The following KAT6B variants were observed in gnomAD, a reference collection of about 807,000 sequenced individuals.
The protein encoded by KAT6B is lysine acetyltransferase 6B, also known as histone acetyltransferase KAT6B.
Under a neutral mutation model 187.5 loss-of-function variants are expected in KAT6B, and 10 were observed. The observed-to-expected ratio is 0.05, with a 90% CI of 0.03 to 0.09. The LOEUF (loss-of-function observed/expected upper bound fraction) is 0.09, where lower values mean the gene tolerates loss of function less well. Among genes scored for constraint, KAT6B ranks in the 10% least tolerant of loss-of-function variants. KAT6B has a pLI of 1.00. For missense variants in KAT6B, 1,952 were observed against 2,558.9 expected (o/e 0.76, Z 5.12); for synonymous variants, 861 against 926.8 (o/e 0.93, Z 1.29).
chr10:74,919,255 G>T (rs1847936300), intron 3 of KAT6B, among the ~76,000 whole-genome samples: 1 of 151,724 alleles, frequency 6.6e-6, no homozygotes, highest in Non-Finnish European at 1.5e-5. Context: ...TTTTTCCTCT[G>T]GTTCTTATTT....
chr10:74,874,277 T>G (rs917750004), intron 3 of KAT6B, among the ~76,000 whole-genome samples: 3 of 152,202 alleles, frequency 2.0e-5, no homozygotes, highest in African/African-American at 2.4e-5. Flanking sequence ...CAAATTCACT[T>G]GGGTGGTTAC....
intron 13 of KAT6B, among the ~76,000 whole-genome samples, chr10:75,019,277 G>A (rs182344382): frequency 1.9e-4 from 29 of 152,296 alleles, no homozygotes; most frequent in South Asian, 2.1e-4. Flanking sequence ...TTAAATTTAC[G>A]CCTATTCTTC....
chr10:74,965,474 A>T (rs750402067), intron 4 of KAT6B, among the ~76,000 whole-genome samples: 1 of 152,162 alleles, frequency 6.6e-6, no homozygotes, highest in Admixed American at 6.5e-5. Context: ...TCCAGTGCTC[A>T]TTAAATATTA....
At chr10:75,017,734 C>A (rs554659305) in intron 13 of KAT6B, among the ~76,000 whole-genome samples, 1 of 152,206 alleles carries the variant, frequency 6.6e-6, no homozygotes, top group African/African-American at 2.4e-5. Flanking sequence ...GGAAGTGCTG[C>A]TGCTGGTTCA....
At chr10:74,949,227 G>A (rs1240036896) in intron 3 of KAT6B, among the ~76,000 whole-genome samples, 1 of 152,178 alleles carries the variant, frequency 6.6e-6, no homozygotes, top group Admixed American at 6.5e-5. Flanking sequence ...ATTTCCAGCT[G>A]TGTTGAATCA....
intron 3 of KAT6B, among the ~76,000 whole-genome samples, chr10:74,858,283 A>AT (rs755754008): frequency 0.014 from 1,932 of 135,114 alleles, 40 homozygotes; most frequent in African/African-American, 0.038. Flanking sequence ...TGGATGGGCA[A>AT]TTTTTTTTTT....
At chr10:74,988,968 G>T in intron 12 of KAT6B, 51 bp from the exon 13 acceptor site, 1 of 1,260,358 alleles carries the variant, frequency 7.9e-7, no homozygotes, top group Non-Finnish European at 1.2e-6. Context: ...GCAGGGAATT[G>T]CCCACTTCAG....
At chr10:74,912,048 T>A (rs1052623008) in intron 3 of KAT6B, among the ~76,000 whole-genome samples, 2 of 152,142 alleles carry the variant, frequency 1.3e-5, no homozygotes, top group East Asian at 3.8e-4. Context: ...TCAAGGGATC[T>A]TCCCACCTTG....
At chr10:74,998,923 G>A (rs1843639736) in intron 13 of KAT6B, among the ~76,000 whole-genome samples, 1 of 151,934 alleles carries the variant, frequency 6.6e-6, no homozygotes, top group African/African-American at 2.4e-5. Context: ...ACCAGACCCT[G>A]TTTCTTAAAA....
intron 10 of KAT6B, among the ~76,000 whole-genome samples, chr10:74,980,190 G>A (rs188390209): frequency 6.6e-6 from 1 of 152,096 alleles, no homozygotes; most frequent in East Asian, 1.9e-4. Context: ...AGAAAATAAT[G>A]GTATCCAAGT....
At chr10:74,910,199 A>G (rs552531809) in intron 3 of KAT6B, among the ~76,000 whole-genome samples, 14 of 151,776 alleles carry the variant, frequency 9.2e-5, no homozygotes, top group African/African-American at 3.1e-4. Flanking sequence ...TTGGGAGGCT[A>G]AGGCAGGAGA....
intron 3 of KAT6B, among the ~76,000 whole-genome samples, chr10:74,874,129 G>A (rs565495532): frequency 6.6e-6 from 1 of 152,266 alleles, no homozygotes; most frequent in African/African-American, 2.4e-5. Flanking sequence ...TCACATATGT[G>A]TATAGTAGGT....
At chr10:75,024,100 C>G (rs1016687519) in intron 16 of KAT6B, 6 of 151,866 alleles carry the variant, frequency 4.0e-5, no homozygotes, top group Non-Finnish European at 7.4e-5. Context: ...ACCTTTAGTG[C>G]AAACAGAAAA....
At position 74,970,120 on chromosome 10, in the gene KAT6B, C is replaced by T. The variant is rs773250275; in HGVS notation, c.928+19C>T. On this transcript the variant is annotated intron_variant, in intron 6 of 17. Coordinates refer to ENST00000287239, the MANE Select transcript of KAT6B (RefSeq NM_012330.4). ...CCAAAAGGTGAACTTCTAAACTGTA[C>T]TAAAAATGTATTTTATTACATATTG... The T allele has an allele frequency of 8.4e-6, 13 of 1,555,256 alleles. No individual in the cohort carries two copies. Among genetic ancestry groups the T allele is most frequent in the Middle Eastern group, 1.7e-4 (1 of 5,928 alleles).
intron 4 of KAT6B, among the ~76,000 whole-genome samples, chr10:74,965,551 T>A (rs1841401180): frequency 6.6e-6 from 1 of 152,048 alleles, no homozygotes; most frequent in South Asian, 2.1e-4. Context: ...AGTGTCTGAG[T>A]CGTTATTAGT....
rs754223525 is a variant in KAT6B, at chr10:75,028,824, A to C, written c.4000A>C (p.Ser1334Arg). Residue 1334 changes from serine (S) to arginine (R), a missense_variant, in exon 18 of 18, where the codon AGT becomes CGT. By Grantham distance (110) the Ser-to-Arg change is moderately radical. Coordinates refer to ENST00000287239, the MANE Select transcript of KAT6B (RefSeq NM_012330.4). ...AAGGGAAGAAACATGTGCCCCTGTA[A>C]GTCCAAACACATCACCAGGTGAAAA... ...NRREETCAPV[S>R]PNTSPGEKPE... is the part of the protein sequence containing the mutation. 30 of 1,614,010 alleles carry C rather than the reference A, an allele frequency of 1.9e-5. No individual in the cohort carries two copies. The highest frequency in any genetic ancestry group is 2.5e-5 in the Non-Finnish European group (29 of 1,180,042).
At position 75,009,158 on chromosome 10, in the gene KAT6B, C is replaced by T. The variant is rs139647191; in HGVS notation, c.2630-11424C>T. ...TGATTGCAGTGTGATTGATTCCTTG[C>T]AATGTAGCATATTGAATTCATTTTT... On this transcript the variant is annotated intron_variant, in intron 13 of 17. Transcript: ENST00000287239. 5.9e-5 allele frequency among the ~76,000 whole-genome samples: 9 copies of T among 152,312 alleles called. No homozygotes were observed. In the East Asian group the frequency reaches 1.7e-3, roughly 29 times the overall value.
At chr10:74,917,106 A>G (rs1186651202) in intron 3 of KAT6B, among the ~76,000 whole-genome samples, 1 of 152,248 alleles carries the variant, frequency 6.6e-6, no homozygotes, top group Non-Finnish European at 1.5e-5. Context: ...CCCTGTCTCA[A>G]AAAACCTGAA....
intron 7 of KAT6B, among the ~76,000 whole-genome samples, chr10:74,974,334 T>G (rs1165348304): frequency 6.6e-6 from 1 of 152,250 alleles, no homozygotes; most frequent in Non-Finnish European, 1.5e-5. Flanking sequence ...TACTCTTGTA[T>G]TTGTAATTAC....
Sources: allele counts gnomAD v4.1 joint callset (sites outside exome capture counted in the v4.1 genomes callset), GRCh38; gene constraint gnomAD v4.1.1; transcripts MANE v1.5; gene names NCBI Gene and HGNC (gene_info 2026-07-23, HGNC 2026-07-21).